Variants in LMNA observed in about 807,000 individuals in gnomAD.
The protein encoded by LMNA is lamin A/C.
In LMNA, 20 loss-of-function variants were observed where a neutral mutation model predicts 70.4. That is an observed-to-expected ratio of 0.28 (90% CI 0.20 to 0.41). LMNA has a LOEUF of 0.41. Among genes scored for constraint, LMNA ranks in the 10% least tolerant of loss-of-function variants. The pLI is 1.00. For missense variants in LMNA, 652 were observed against 917.2 expected, an observed-to-expected ratio of 0.71 and a Z score of 3.73; for synonymous variants, 339 against 372.8, an observed-to-expected ratio of 0.91 and a Z score of 1.04.
At chr1:156,098,514 C>T (rs1048151212) in intron 3 of LMNA, among the ~76,000 whole-genome samples, 1 of 152,166 alleles carries the variant, frequency 6.6e-6, no homozygotes, top group Non-Finnish European at 1.5e-5. Context: ...TACCATGTTA[C>T]ATCAGGAATA....
At position 156,139,742 on chromosome 1, in the gene LMNA, T is replaced by C. The variant is rs571358642; in HGVS notation, c.*636T>C. On this transcript the variant is annotated 3_prime_UTR_variant, in exon 12 of 12. Coordinates refer to ENST00000368300, the MANE Select transcript of LMNA (RefSeq NM_170707.4). Reference sequence around the variant, plus strand: ...TGAGTCCATTCTCCCAGGTACCAGCTGCGCTTGCTTTTCTGTATTTTATTT... The same window carrying C: ...TGAGTCCATTCTCCCAGGTACCAGCCGCGCTTGCTTTTCTGTATTTTATTT... 18 of 1,516,880 alleles carry C rather than the reference T, an allele frequency of 1.2e-5. No individual in the cohort carries two copies. In the African/African-American group the frequency reaches 1.4e-4, roughly 12 times the overall value. The allele number at this position is 1,516,880 out of a possible 1,614,324, so 94.0% of individuals were successfully genotyped here. A position where few individuals can be genotyped will look rare whatever the true frequency, so the allele number is the denominator to read the frequency against.
chr1:156,123,628 C>T (rs1650351089), intron 1 of LMNA, among the ~76,000 whole-genome samples: 1 of 152,096 alleles, frequency 6.6e-6, no homozygotes, highest in Admixed American at 6.6e-5. Flanking sequence ...GGCACTACTT[C>T]TTTTGCTCTA....
chr1:156,113,187 C>A (rs1006345568), upstream of LMNA, among the ~76,000 whole-genome samples: 4 of 151,830 alleles, frequency 2.6e-5, no homozygotes, highest in Non-Finnish European at 4.4e-5. Flanking sequence ...GCCTATAATC[C>A]CAGCTACTCA....
intron 2 of LMNA, among the ~76,000 whole-genome samples, chr1:156,087,861 CT>C (rs376457819): frequency 5.1e-4 from 77 of 151,312 alleles, no homozygotes; most frequent in African/African-American, 1.6e-3. Flanking sequence ...CCTTTCTTTC[CT>C]TTTTTTTCTT....
Position 156,139,618 on chromosome 1 carries a change from C to G in LMNA, c.*512C>G, listed in dbSNP as rs534580892. On this transcript the variant is annotated 3_prime_UTR_variant, in exon 12 of 12. Transcript: ENST00000368300. ...GAGAGAGAGAGAGGACAGCTTGAGC[C>G]GGGCCCCTGGGCTTGGCCTGCTGTG... The G allele has an allele frequency of 4.2e-6, 6 of 1,432,688 alleles. No individual in the cohort carries two copies. Among genetic ancestry groups the G allele is most frequent in the African/African-American group, 1.5e-5 (1 of 68,558 alleles). The allele number at this position is 1,432,688 out of a possible 1,614,324, so 88.7% of individuals were successfully genotyped here. A position where few individuals can be genotyped will look rare whatever the true frequency, so the allele number is the denominator to read the frequency against.
At chr1:156,092,827 C>T (rs1392388101) in intron 3 of LMNA, among the ~76,000 whole-genome samples, 1 of 151,816 alleles carries the variant, frequency 6.6e-6, no homozygotes, top group Non-Finnish European at 1.5e-5. Flanking sequence ...GCCCATCCTG[C>T]TCCTCCTTCC....
At chr1:156,112,937 G>T (rs764318945), upstream of LMNA, among the ~76,000 whole-genome samples, 3 of 152,126 alleles carry the variant, frequency 2.0e-5, no homozygotes, top group Non-Finnish European at 4.4e-5. Context: ...ATAAGCTGTG[G>T]GAGGCAGTTG....
chr1:156,102,530 C>T (rs563194823), intron 3 of LMNA, among the ~76,000 whole-genome samples: 2 of 152,282 alleles, frequency 1.3e-5, no homozygotes, highest in South Asian at 4.1e-4. Flanking sequence ...TCCATCTCCA[C>T]CCTCGAGAGA....
intron 1 of LMNA, chr1:156,126,905 G>C (rs1442567395): frequency 6.2e-7 from 1 of 1,605,694 alleles, no homozygotes; most frequent in Admixed American, 1.7e-5. Context: ...GGCGAAGCCA[G>C]GGTCTCCCCT....
At position 156,134,821 on chromosome 1, in the gene LMNA, A is replaced by G. The variant is rs267607584; in HGVS notation, c.656A>G (p.Lys219Arg). 1.2e-6 allele frequency: 2 copies of G among 1,614,198 alleles called. No homozygotes were observed. Among genetic ancestry groups the G allele is most frequent in the Non-Finnish European group, 1.7e-6 (2 of 1,180,032 alleles). Reference sequence around the variant, plus strand: ...CCCTTCCAGGAGCTGCGTGAGACCAAGCGCCGTCATGAGACCCGACTGGTG... The same window carrying G: ...CCCTTCCAGGAGCTGCGTGAGACCAGGCGCCGTCATGAGACCCGACTGGTG... Reference protein sequence around the residue: ...NIYSEELRETKRRHETRLVEI... With the variant: ...NIYSEELRETRRRHETRLVEI... The change falls in exon 4 of 12, where the codon AAG (lysine) becomes AGG (arginine). Residue 219 changes from lysine to arginine, a missense_variant. Around this residue, in one of 4 missense-constraint regions of LMNA, gnomAD observed 254 missense variants for 421.9 expected, o/e 0.60. Coordinates refer to ENST00000368300, the MANE Select transcript of LMNA (RefSeq NM_170707.4). The surrounding 1 kb of genome is among the most constrained non-coding windows in gnomAD (Gnocchi z 5.3).
chr1:156,122,173 G>A (rs1321112110), intron 1 of LMNA, among the ~76,000 whole-genome samples: 2 of 152,142 alleles, frequency 1.3e-5, no homozygotes, highest in Non-Finnish European at 2.9e-5. Flanking sequence ...ATGACAGGCA[G>A]TGTGATATAG....
In LMNA at chr1:156,139,834, C is replaced by T. The variant is rs1651962651; in HGVS notation, c.*728C>T. ...AAGAAAGGTGAGTTTGAGCTGCCTT[C>T]CCTAGCTTTAGACCCTGGGTGGGCT... On this transcript the variant is annotated 3_prime_UTR_variant, in exon 12 of 12. Transcript: ENST00000368300. The T allele has an allele frequency of 6.6e-7, 1 of 1,523,314 alleles. No individual in the cohort carries two copies. Among genetic ancestry groups the T allele is most frequent in the Admixed American group, 2.0e-5 (1 of 50,172 alleles). The allele number at this position is 1,523,314 out of a possible 1,614,324, so 94.4% of individuals were successfully genotyped here. A position where few individuals can be genotyped will look rare whatever the true frequency, so the allele number is the denominator to read the frequency against.
chr1:156,093,022 A>T (rs1342473050), intron 3 of LMNA, among the ~76,000 whole-genome samples: 3 of 150,502 alleles, frequency 2.0e-5, no homozygotes, highest in Non-Finnish European at 4.4e-5. Flanking sequence ...CCAAGTAGCT[A>T]GGATTACAGA....
chr1:156,108,898 G>A (rs764750358), intron 3 of LMNA, among the ~76,000 whole-genome samples: 36 of 152,224 alleles, frequency 2.4e-4, no homozygotes, highest in Non-Finnish European at 3.5e-4. Flanking sequence ...ACTGGGAATG[G>A]AAGTGCTACT....
chr1:156,083,294 A>C (rs1204414706), intron 2 of LMNA: 1 of 152,910 alleles, frequency 6.5e-6, no homozygotes, highest in Admixed American at 6.5e-5. Flanking sequence ...TCGGACGGAG[A>C]GTGGGCAGGC....
In LMNA at chr1:156,137,974, C is replaced by A; in HGVS notation, c.1698+231C>A. On this transcript the variant is annotated intron_variant, in intron 10 of 11. Coordinates refer to ENST00000368300, the MANE Select transcript of LMNA (RefSeq NM_170707.4). The surrounding 1 kb of genome is among the most constrained non-coding windows in gnomAD (Gnocchi z 4.6). The stretch of plus-strand genomic sequence containing the variant: ...GAAGGGAGTGGGAACTTTCTGATGC[C>A]ATGGAATATTCCTGTGGGAGCAGTG... 1 of 822,408 alleles carries A rather than the reference C, an allele frequency of 1.2e-6. No individual in the cohort carries two copies. The highest frequency in any genetic ancestry group is 1.9e-6 in the Non-Finnish European group (1 of 540,246). 50.9% of individuals were successfully genotyped at this position (822,408 alleles called of 1,614,324 possible). A position where few individuals can be genotyped will look rare whatever the true frequency, so the allele number is the denominator to read the frequency against.
upstream of LMNA, among the ~76,000 whole-genome samples, chr1:156,114,122 G>A (rs895587526): frequency 4.6e-5 from 7 of 152,148 alleles, no homozygotes; most frequent in Non-Finnish European, 1.0e-4. Flanking sequence ...AGGAACTCAG[G>A]TTCCAGAACT....
At chr1:156,097,088 G>A (rs1176327271) in intron 3 of LMNA, among the ~76,000 whole-genome samples, 2 of 152,240 alleles carry the variant, frequency 1.3e-5, no homozygotes, top group African/African-American at 2.4e-5. Context: ...GACATGAAAT[G>A]AGAGGCGGTG....
At chr1:156,133,945 A>C (rs1015977262) in intron 2 of LMNA, among the ~76,000 whole-genome samples, 1 of 152,082 alleles carries the variant, frequency 6.6e-6, no homozygotes, top group Non-Finnish European at 1.5e-5. Flanking sequence ...ATGTCCCCTC[A>C]GTACTTTGCA....
Sources: gnomAD v4.1 joint callset for allele counts (sites outside exome capture counted in the v4.1 genomes callset) on GRCh38, gnomAD v4.1.1 for gene constraint, gnomAD v4.1.1 regional missense constraint, Gnocchi (gnomAD v3.1) non-coding constraint, MANE v1.5 for transcripts, NCBI Gene and HGNC (gene_info 2026-07-23, HGNC 2026-07-21) for gene names.